The following SORBS2 variants were observed in gnomAD, a reference collection of about 807,000 sequenced individuals.
SORBS2 encodes the protein sorbin and SH3 domain-containing protein 2.
A neutral mutation model predicts 97.7 loss-of-function variants in SORBS2; 46 were observed. That is an observed-to-expected ratio of 0.47 (90% CI 0.37 to 0.60). SORBS2 has a LOEUF of 0.60. SORBS2 is among the 20% of genes least tolerant of loss of function. SORBS2 has a pLI of 0.00. For synonymous variants in SORBS2, 476 were observed against 473.4 expected, an observed-to-expected ratio of 1.01 and a Z score of -0.07; for missense variants, 1,316 against 1,282.3, an observed-to-expected ratio of 1.03 and a Z score of -0.40.
intron 1 of SORBS2, among the ~76,000 whole-genome samples, chr4:185,918,876 C>T (rs2099259614): frequency 6.6e-6 from 1 of 152,132 alleles, no homozygotes; most frequent in Admixed American, 6.5e-5. Flanking sequence ...CGTATGTTCA[C>T]CCAGTACATC....
intron 1 of SORBS2, among the ~76,000 whole-genome samples, chr4:185,877,895 GAAGA>G (rs1349772131): frequency 7.6e-6 from 1 of 131,278 alleles, no homozygotes; most frequent in African/African-American, 2.7e-5. Flanking sequence ...AAGAAAGAAA[GAAGA>G]AAGAAAAGAA....
At chr4:185,721,741 A>G (rs11736488) in intron 2 of SORBS2, among the ~76,000 whole-genome samples, 29,445 of 152,194 alleles carry the variant, frequency 0.19, 3,089 homozygotes, top group Middle Eastern at 0.25. Context: ...ACGCATTGGA[A>G]AGAAGGGAAA....
At chr4:185,833,616 T>C (rs2099206339) in intron 1 of SORBS2, among the ~76,000 whole-genome samples, 1 of 152,216 alleles carries the variant, frequency 6.6e-6, no homozygotes, top group Non-Finnish European at 1.5e-5. Flanking sequence ...TTTTTAAAAT[T>C]ACATAACTAT....
chr4:185,825,131 C>A (rs2099199057), intron 1 of SORBS2, among the ~76,000 whole-genome samples: 1 of 152,104 alleles, frequency 6.6e-6, no homozygotes. Context: ...GCAGTTACTG[C>A]AGCTTTCAAA....
intron 1 of SORBS2, among the ~76,000 whole-genome samples, chr4:185,844,236 A>G (rs1202040729): frequency 6.6e-6 from 1 of 152,226 alleles, no homozygotes; most frequent in Non-Finnish European, 1.5e-5. Context: ...TAAATGTAAA[A>G]CTCAAAACTA....
At chr4:185,903,295 G>A (rs1156549738) in intron 1 of SORBS2, among the ~76,000 whole-genome samples, 1 of 152,170 alleles carries the variant, frequency 6.6e-6, no homozygotes, top group African/African-American at 2.4e-5. Context: ...TTAGTGTGAG[G>A]TTTAGAGATA....
intron 1 of SORBS2, among the ~76,000 whole-genome samples, chr4:185,868,043 C>T (rs1421640055): frequency 6.6e-6 from 1 of 152,020 alleles, no homozygotes; most frequent in African/African-American, 2.4e-5. Context: ...TTTCAGCCTC[C>T]ATAAAAGACA....
At chr4:185,672,062 G>A (rs546609873) in intron 4 of SORBS2, among the ~76,000 whole-genome samples, 41 of 152,302 alleles carry the variant, frequency 2.7e-4, no homozygotes, top group African/African-American at 9.1e-4. Context: ...CCACAGAAAG[G>A]AAGCCATACT....
At chr4:185,653,442 A>G (rs1472461486) in intron 1 of SORBS2, among the ~76,000 whole-genome samples, 1 of 151,860 alleles carries the variant, frequency 6.6e-6, no homozygotes, top group Non-Finnish European at 1.5e-5. Context: ...ATTAATGTAG[A>G]GTCTTGAACT....
exon 7 of SORBS2, chr4:185,622,992 G>T (rs771555111): frequency 6.2e-7 from 1 of 1,614,004 alleles, no homozygotes; most frequent in South Asian, 1.1e-5. Flanking sequence ...GCACTGCGGG[G>T]CATTCTCCCG....
chr4:185,946,837 A>T (rs1023319632), intron 1 of SORBS2, among the ~76,000 whole-genome samples: 1 of 152,260 alleles, frequency 6.6e-6, no homozygotes, highest in African/African-American at 2.4e-5. Context: ...AGATAAAAAT[A>T]CTTAATTAAA....
intron 1 of SORBS2, among the ~76,000 whole-genome samples, chr4:185,778,987 C>T (rs181708353): frequency 1.3e-5 from 2 of 152,302 alleles, no homozygotes; most frequent in Non-Finnish European, 2.9e-5. Flanking sequence ...TGCCGAATGA[C>T]TTCTCACATT....
chr4:185,903,389 T>A (rs2099248804), intron 1 of SORBS2, among the ~76,000 whole-genome samples: 1 of 152,200 alleles, frequency 6.6e-6, no homozygotes, highest in African/African-American at 2.4e-5. Flanking sequence ...TCATCATGAT[T>A]CATACATTTC....
chr4:185,593,638 T>G (rs2096012056), intron 13 of SORBS2: 1 of 478,680 alleles, frequency 2.1e-6, no homozygotes. Flanking sequence ...TAGGAATCAC[T>G]GAAGCATTGG....
rs1490500397 is a variant in SORBS2 at position 185,623,016 on chromosome 4, A to T, written c.2113T>A (p.Tyr705Asn). The T allele has an allele frequency of 1.2e-6, 2 of 1,614,030 alleles. No individual in the cohort carries two copies. The highest frequency in any genetic ancestry group is 3.3e-5 in the Admixed American group (2 of 59,998). ...GGCATTCTCCCGCAGTCATTCTGGT[A>T]GGGTGGACAATGAATAGCACCATCG... Residue 705 changes from tyrosine to asparagine, a missense_variant, in exon 7 of 15, where the codon TAC becomes AAC. Tyr to Asn is a moderately radical substitution (Grantham distance 143). Transcript: ENST00000418609. The surrounding 1 kb of genome is among the most constrained non-coding windows in gnomAD (Gnocchi z 6.4).
Position 185,708,584 on chromosome 4 carries a change from CATATACATTT to C in SORBS2, c.-197-29772_-197-29763del, listed in dbSNP as rs1392228227. Reference sequence around the variant, plus strand: ...GAACCTTATAAAAAGTAAATGACTTCATATACATTTGGCATAAGGCTAATGAGCTATTTTT... The same window carrying C: ...GAACCTTATAAAAAGTAAATGACTTCGGCATAAGGCTAATGAGCTATTTTT... On this transcript the variant is annotated intron_variant, in intron 2 of 20. Coordinates refer to the SORBS2 transcript ENST00000284776. Among the ~76,000 whole-genome samples the C allele has an allele frequency of 2.0e-5, 3 of 152,292 alleles. No homozygotes were observed. The East Asian group carries it at 5.8e-4, about 29-fold the overall frequency.
chr4:185,812,636 C>A (rs1019604903), intron 1 of SORBS2, among the ~76,000 whole-genome samples: 4 of 151,912 alleles, frequency 2.6e-5, no homozygotes, highest in Non-Finnish European at 5.9e-5. Flanking sequence ...GGGAGAGTTA[C>A]ACTTTTTGTT....
intron 4 of SORBS2, among the ~76,000 whole-genome samples, chr4:185,643,577 G>A (rs2097162234): frequency 1.3e-5 from 2 of 152,144 alleles, no homozygotes; most frequent in Admixed American, 6.5e-5. Flanking sequence ...GGCTGTCACT[G>A]TAGCCCAGGC....
intron 1 of SORBS2, among the ~76,000 whole-genome samples, chr4:185,826,268 G>A (rs1044373379): frequency 3.3e-5 from 5 of 152,142 alleles, no homozygotes; most frequent in African/African-American, 7.2e-5. Flanking sequence ...GGACTTGGTG[G>A]AAATGTTTTC....
Sources: allele counts gnomAD v4.1 joint callset (sites outside exome capture counted in the v4.1 genomes callset), GRCh38; gene constraint gnomAD v4.1.1; non-coding constraint Gnocchi (gnomAD v3.1); transcripts MANE v1.5; gene names NCBI Gene and HGNC (gene_info 2026-07-23, HGNC 2026-07-21).